SORD: variants seen among roughly 807,000 people sequenced by gnomAD.
The protein encoded by SORD is sorbitol dehydrogenase.
A neutral mutation model predicts 35.6 loss-of-function variants in SORD; 18 were observed. The observed-to-expected ratio is 0.51, with a 90% confidence interval of 0.35 to 0.75. The LOEUF (loss-of-function observed/expected upper bound fraction) is 0.75, where lower values mean the gene tolerates loss of function less well. SORD is among the 30% of genes least tolerant of loss of function. SORD has a pLI of 0.01. For synonymous variants in SORD, 106 were observed against 152.9 expected, an observed-to-expected ratio of 0.69 and a Z score of 2.26; for missense variants, 250 against 390.2, an observed-to-expected ratio of 0.64 and a Z score of 3.03.
intron 1 of SORD, among the ~76,000 whole-genome samples, chr15:45,025,362 G>C (rs1001731136): frequency 3.9e-5 from 6 of 152,270 alleles, no homozygotes; most frequent in African/African-American, 7.2e-5. Context: ...TGGAGGCCAG[G>C]TGTGGTGGCT....
At chr15:45,051,925 T>C (rs992298242) in intron 3 of SORD, among the ~76,000 whole-genome samples, 1 of 152,240 alleles carries the variant, frequency 6.6e-6, no homozygotes, top group East Asian at 1.9e-4. Context: ...ATTTAGTCAA[T>C]ATATTCAGAC....
At chr15:45,034,976 G>A (rs1470670302) in intron 1 of SORD, among the ~76,000 whole-genome samples, 1 of 152,162 alleles carries the variant, frequency 6.6e-6, no homozygotes, top group African/African-American at 2.4e-5. Context: ...CTTAGCACCC[G>A]GGCCAGCGGC....
intron 1 of SORD, among the ~76,000 whole-genome samples, chr15:45,023,643 C>T (rs1338695614): frequency 6.6e-6 from 1 of 152,248 alleles, no homozygotes; most frequent in African/African-American, 2.4e-5. Flanking sequence ...CCTTTGCCAG[C>T]TGCAGATTCA....
At chr15:45,055,471 C>G (rs1893199779) in intron 3 of SORD, among the ~76,000 whole-genome samples, 2 of 152,200 alleles carry the variant, frequency 1.3e-5, no homozygotes, top group Admixed American at 1.3e-4. Flanking sequence ...AGACCAATAA[C>G]AGGCTCTGAA....
intron 1 of SORD, among the ~76,000 whole-genome samples, chr15:45,035,067 C>T (rs563755264): frequency 6.9e-4 from 105 of 152,298 alleles, no homozygotes; most frequent in South Asian, 5.0e-3. Flanking sequence ...TAGCTGCCTT[C>T]CCGCGGGGCA....
chr15:45,025,450 C>A (rs1024756213), intron 1 of SORD, among the ~76,000 whole-genome samples: 1 of 151,998 alleles, frequency 6.6e-6, no homozygotes, highest in African/African-American at 2.4e-5. Context: ...CCAACCTGGC[C>A]AACACGGTGA....
At chr15:45,044,751 T>G (rs146115171) in intron 3 of SORD, among the ~76,000 whole-genome samples, 1,633 of 149,890 alleles carry the variant, frequency 0.011, 25 homozygotes, top group African/African-American at 0.038. Flanking sequence ...CAGGCTGGAG[T>G]GCAGTGGTGC....
chr15:45,029,283 A>C (rs78898520), intron 1 of SORD, among the ~76,000 whole-genome samples: 1 of 152,222 alleles, frequency 6.6e-6, no homozygotes, highest in East Asian at 1.9e-4. Flanking sequence ...TGGAAAGGCA[A>C]TGCCTTTGTC....
intron 7 of SORD, 142 bp downstream of exon 7, chr15:45,069,194 C>CTTCTTT (rs1893463653): frequency 8.6e-6 from 1 of 116,272 alleles, no homozygotes; most frequent in Non-Finnish European, 1.8e-5. Context: ...TTTTCTTTTT[C>CTTCTTT]TTTTTTTTTT....
chr15:45,025,180 G>T (rs538824050), intron 1 of SORD, among the ~76,000 whole-genome samples: 1 of 152,318 alleles, frequency 6.6e-6, no homozygotes, highest in African/African-American at 2.4e-5. Context: ...ATGGGCTAGA[G>T]AATTTCACCT....
chr15:45,063,618 A>G (rs1442125571), intron 4 of SORD, among the ~76,000 whole-genome samples: 1 of 152,112 alleles, frequency 6.6e-6, no homozygotes, highest in Non-Finnish European at 1.5e-5. Context: ...TCAGTAGAGT[A>G]TTCTTCCTGA....
chr15:45,046,562 G>A (rs1893047704), intron 3 of SORD, among the ~76,000 whole-genome samples: 1 of 152,154 alleles, frequency 6.6e-6, no homozygotes, highest in African/African-American at 2.4e-5. Flanking sequence ...GACATATTTT[G>A]GTGGTCATAA....
At chr15:45,042,088 G>A (rs976981048) in intron 2 of SORD, among the ~76,000 whole-genome samples, 46 of 152,154 alleles carry the variant, frequency 3.0e-4, no homozygotes, top group African/African-American at 1.1e-3. Flanking sequence ...GTCTTTCTAA[G>A]GCAGAGTGTT....
chr15:45,052,212 T>C (rs918077481), intron 3 of SORD, among the ~76,000 whole-genome samples: 1 of 152,214 alleles, frequency 6.6e-6, no homozygotes, highest in African/African-American at 2.4e-5. Context: ...AAGCCTGATA[T>C]GTGAGGAAGC....
intron 1 of SORD, among the ~76,000 whole-genome samples, chr15:45,024,015 A>C (rs1892632278): frequency 6.6e-6 from 1 of 152,088 alleles, no homozygotes; most frequent in South Asian, 2.1e-4. Context: ...TTCACTTTCC[A>C]GCAGTTTTTC....
chr15:45,029,736 T>A (rs887693027), intron 1 of SORD, among the ~76,000 whole-genome samples: 4 of 152,222 alleles, frequency 2.6e-5, no homozygotes, highest in Admixed American at 1.3e-4. Flanking sequence ...GTCACGCAGA[T>A]GATTGAAGGA....
chr15:45,035,423 G>C (rs1289755628), intron 1 of SORD, among the ~76,000 whole-genome samples: 1 of 151,854 alleles, frequency 6.6e-6, no homozygotes, highest in Non-Finnish European at 1.5e-5. Context: ...CGAGCTCAGG[G>C]TTTATGAATG....
At chr15:45,058,670 A>C (rs970726341) in intron 3 of SORD, 1 of 152,210 alleles carries the variant, frequency 6.6e-6, no homozygotes, top group Non-Finnish European at 1.5e-5. Context: ...AGGAGCATGG[A>C]CACCAAGGGT....
intron 1 of SORD, among the ~76,000 whole-genome samples, chr15:45,035,169 C>G (rs765192317): frequency 6.6e-6 from 1 of 152,200 alleles, no homozygotes; most frequent in Non-Finnish European, 1.5e-5. Flanking sequence ...GTGCCGCCCC[C>G]TGCTGCACGG....
Sources: gnomAD v4.1 joint callset for allele counts (sites outside exome capture counted in the v4.1 genomes callset) on GRCh38, gnomAD v4.1.1 for gene constraint, MANE v1.5 for transcripts, NCBI Gene and HGNC (gene_info 2026-07-23, HGNC 2026-07-21) for gene names.